Variants in DRC9 observed in about 807,000 individuals in gnomAD.
DRC9 encodes the protein dynein regulatory complex subunit 9, also known as dynein regulatory complex protein 9.
the DRC9 span, chr3:197,958,774 T>C: frequency 6.6e-6 from 1 of 152,232 alleles, no homozygotes; most frequent in East Asian, 1.9e-4. Context: ...AAATAATAAA[T>C]GTATGTTTTT....
At chr3:197,892,104 G>C in the DRC9 span, among the ~76,000 whole-genome samples, 1 of 152,196 alleles carries the variant, frequency 6.6e-6, no homozygotes, top group South Asian at 2.1e-4. Context: ...TACCCAGGCT[G>C]GTCTCAAACT....
the DRC9 span, among the ~76,000 whole-genome samples, chr3:197,900,641 T>C: frequency 5.3e-5 from 7 of 133,052 alleles, no homozygotes; most frequent in South Asian, 2.4e-4. The surrounding 1 kb of genome is among the most constrained non-coding windows in gnomAD (Gnocchi z 4.7). Flanking sequence ...CACAGTAGAA[T>C]AGGGCACTGG....
the DRC9 span, among the ~76,000 whole-genome samples, chr3:197,930,627 C>T: frequency 6.6e-6 from 1 of 151,746 alleles, no homozygotes; most frequent in East Asian, 1.9e-4. Context: ...GTGGTCCCAG[C>T]TACTCGGGAG....
At chr3:197,922,739 AATAAATAT>A in the DRC9 span, among the ~76,000 whole-genome samples, 147 of 151,052 alleles carry the variant, frequency 9.7e-4, no homozygotes, top group Non-Finnish European at 1.8e-3. Flanking sequence ...TAAATAAATA[AATAAATAT>A]CTTCTATTTT....
At chr3:197,933,280 A>C in the DRC9 span, among the ~76,000 whole-genome samples, 1 of 151,504 alleles carries the variant, frequency 6.6e-6, no homozygotes, top group African/African-American at 2.4e-5. Flanking sequence ...GTCTCTACTA[A>C]AAATACAAAA....
the DRC9 span, among the ~76,000 whole-genome samples, chr3:197,900,120 C>T: frequency 2.6e-5 from 4 of 152,218 alleles, no homozygotes; most frequent in Non-Finnish European, 5.9e-5. This position sits in a 1 kb window ranked among gnomAD's most constrained non-coding sequence, Gnocchi z 4.7. Context: ...CAGTGGGACC[C>T]GAGTCCCAGC....
At chr3:197,955,837 A>G in the DRC9 span, 1 of 1,305,840 alleles carries the variant, frequency 7.7e-7, no homozygotes, top group Non-Finnish European at 1.1e-6. Flanking sequence ...GGATTAAAAA[A>G]CTTACTACCT....
At chr3:197,901,641 G>A in the DRC9 span, among the ~76,000 whole-genome samples, 1 of 152,240 alleles carries the variant, frequency 6.6e-6, no homozygotes, top group African/African-American at 2.4e-5. The surrounding 1 kb of genome is among the most constrained non-coding windows in gnomAD (Gnocchi z 4.4). Flanking sequence ...CGGCTCCTCC[G>A]CATGTGGAAA....
chr3:197,891,690 C>A, the DRC9 span: 1 of 441,400 alleles, frequency 2.3e-6, no homozygotes, highest in Non-Finnish European at 4.0e-6. Flanking sequence ...GTAATAGATT[C>A]CTAGATGGTA....
At chr3:197,924,419 C>T in the DRC9 span, among the ~76,000 whole-genome samples, 1 of 152,174 alleles carries the variant, frequency 6.6e-6, no homozygotes. Context: ...AAATAGTTTT[C>T]CAACGTCTAT....
the DRC9 span, among the ~76,000 whole-genome samples, chr3:197,904,935 C>T: frequency 6.6e-6 from 1 of 152,080 alleles, no homozygotes; most frequent in African/African-American, 2.4e-5. Flanking sequence ...TCATTTGCAA[C>T]AATATAGATG....
the DRC9 span, among the ~76,000 whole-genome samples, chr3:197,942,518 T>C: frequency 6.6e-6 from 1 of 151,512 alleles, no homozygotes. Flanking sequence ...ATATGGACTT[T>C]ACTGTTAGAA....
chr3:197,904,689 C>T, the DRC9 span, among the ~76,000 whole-genome samples: 5 of 151,890 alleles, frequency 3.3e-5, no homozygotes, highest in African/African-American at 1.2e-4. Flanking sequence ...GGAGAAACCC[C>T]ATCTTTACTA....
At chr3:197,910,001 A>C in the DRC9 span, among the ~76,000 whole-genome samples, 2 of 152,216 alleles carry the variant, frequency 1.3e-5, no homozygotes, top group African/African-American at 4.8e-5. Context: ...AAACAAAACA[A>C]AACAAAAAAC....
chr3:197,945,814 G>C, the DRC9 span: 31 of 557,450 alleles, frequency 5.6e-5, no homozygotes, highest in South Asian at 7.0e-4. Context: ...CTCTTTGTGC[G>C]GAGTGGAGCA....
At chr3:197,912,674 C>T in the DRC9 span, 2 of 1,612,882 alleles carry the variant, frequency 1.2e-6, no homozygotes, top group Admixed American at 3.3e-5. Context: ...TGGGGACCCA[C>T]CTGCTGCTCC....
At chr3:197,936,171 GA>G in the DRC9 span, among the ~76,000 whole-genome samples, 2 of 149,008 alleles carry the variant, frequency 1.3e-5, no homozygotes, top group Admixed American at 6.7e-5. Flanking sequence ...CTCAAAAAAA[GA>G]AAAAAAAAGA....
chr3:197,935,765 G>A, the DRC9 span, among the ~76,000 whole-genome samples: 2 of 151,878 alleles, frequency 1.3e-5, no homozygotes, highest in Non-Finnish European at 2.9e-5. Context: ...TCACAGGTGT[G>A]AGCCACCGCC....
At chr3:197,947,745 A>G in the DRC9 span, among the ~76,000 whole-genome samples, 2 of 152,130 alleles carry the variant, frequency 1.3e-5, no homozygotes, top group Admixed American at 6.6e-5. Context: ...AAGTGAGATC[A>G]GACATTTATT....
Sources: gnomAD v4.1 joint callset for allele counts (sites outside exome capture counted in the v4.1 genomes callset) on GRCh38, gnomAD v4.1.1 for gene constraint, Gnocchi (gnomAD v3.1) non-coding constraint, MANE v1.5 for transcripts, NCBI Gene and HGNC (gene_info 2026-07-23, HGNC 2026-07-21) for gene names.